MAGI2: variants seen among roughly 807,000 people sequenced by gnomAD.
The protein encoded by MAGI2 is membrane-associated guanylate kinase, WW and PDZ domain-containing protein 2.
Under a neutral mutation model 133.3 loss-of-function variants are expected in MAGI2, and 35 were observed. The ratio of observed to expected loss-of-function variants is 0.26; its 90% CI spans 0.20 to 0.35. The LOEUF (loss-of-function observed/expected upper bound fraction) is 0.35. MAGI2 is among the 10% of genes least tolerant of loss of function. MAGI2 has a pLI of 1.00. For synonymous variants in MAGI2, 729 were observed against 710.6 expected (o/e 1.03, Z -0.41); for missense variants, 1,636 against 1,863.4 (o/e 0.88, Z 2.25).
intron 1 of MAGI2, among the ~76,000 whole-genome samples, chr7:79,229,147 A>G (rs1357081845): frequency 6.6e-6 from 1 of 151,932 alleles, no homozygotes; most frequent in East Asian, 1.9e-4. Context: ...ACAGGAAAAA[A>G]AAAAACAACA....
chr7:79,401,742 A>G (rs1845485218), intron 1 of MAGI2, among the ~76,000 whole-genome samples: 1 of 152,146 alleles, frequency 6.6e-6, no homozygotes, highest in South Asian at 2.1e-4. Flanking sequence ...TTAAAATGAC[A>G]CCTATATAGA....
intron 20 of MAGI2, among the ~76,000 whole-genome samples, chr7:78,123,109 G>A (rs1026189738): frequency 1.3e-5 from 2 of 152,274 alleles, no homozygotes; most frequent in South Asian, 4.2e-4. Flanking sequence ...AAAGCAAGCA[G>A]ACGTGACAAT....
In MAGI2 at chr7:78,544,009, C is replaced by T. The variant is rs1414521087; in HGVS notation, c.539-22364G>A. On this transcript the variant is annotated intron_variant, in intron 3 of 21. Coordinates refer to ENST00000354212, the MANE Select transcript of MAGI2 (RefSeq NM_012301.4). ...TTCATGCCATAAACAACCAATAACC[C>T]AAGTGTGACTATGAGTTTCAGGAAA... Among the ~76,000 whole-genome samples the T allele has an allele frequency of 2.6e-5, 4 of 152,128 alleles. No homozygotes were observed. In the South Asian group the frequency reaches 8.3e-4, roughly 31 times the overall value.
chr7:79,313,862 G>T (rs1466642746), intron 1 of MAGI2, among the ~76,000 whole-genome samples: 2 of 149,764 alleles, frequency 1.3e-5, no homozygotes, highest in East Asian at 2.0e-4. Flanking sequence ...GAATGCAGTG[G>T]CCCTATCTCA....
At chr7:79,405,942 TG>T (rs1845777472) in intron 1 of MAGI2, among the ~76,000 whole-genome samples, 1 of 128,078 alleles carries the variant, frequency 7.8e-6, no homozygotes, top group African/African-American at 3.0e-5. Context: ...AAAAAAAAAA[TG>T]GAGCCCTTTG....
chr7:78,700,716 C>CA (rs1329393997), intron 2 of MAGI2, among the ~76,000 whole-genome samples: 1 of 151,710 alleles, frequency 6.6e-6, no homozygotes, highest in Non-Finnish European at 1.5e-5. Flanking sequence ...ATGGAATAAA[C>CA]AAAAAACATG....
chr7:78,067,567 G>A (rs1314284952), intron 21 of MAGI2, among the ~76,000 whole-genome samples: 1 of 152,220 alleles, frequency 6.6e-6, no homozygotes, highest in Admixed American at 6.5e-5. Flanking sequence ...GAAAGCAAAT[G>A]TCTGAGCCAC....
chr7:79,089,333 T>G (rs1009058592), intron 1 of MAGI2, among the ~76,000 whole-genome samples: 7 of 152,084 alleles, frequency 4.6e-5, no homozygotes, highest in Admixed American at 4.6e-4. Context: ...GAGAGAAATA[T>G]GAACGTTTTT....
At chr7:79,077,591 A>G (rs201416011) in intron 1 of MAGI2, among the ~76,000 whole-genome samples, 1 of 135,770 alleles carries the variant, frequency 7.4e-6, no homozygotes, top group East Asian at 2.1e-4. Flanking sequence ...AAAAAAAAAA[A>G]AAAATAAATA....
chr7:78,787,013 G>T (rs565591026), intron 2 of MAGI2, among the ~76,000 whole-genome samples: 1 of 151,604 alleles, frequency 6.6e-6, no homozygotes, highest in East Asian at 1.9e-4. Flanking sequence ...GTAGTGGCGC[G>T]ATCTCGGCTC....
intron 2 of MAGI2, among the ~76,000 whole-genome samples, chr7:78,988,729 T>G (rs1482540409): frequency 1.3e-5 from 2 of 152,090 alleles, no homozygotes; most frequent in Non-Finnish European, 2.9e-5. Context: ...ATAATTACAA[T>G]GAACTGACCA....
chr7:78,911,335 G>A (rs1443105462), intron 2 of MAGI2, among the ~76,000 whole-genome samples: 2 of 152,048 alleles, frequency 1.3e-5, no homozygotes, highest in Non-Finnish European at 2.9e-5. Context: ...TGTATATGTT[G>A]AAATTCTAAC....
chr7:78,970,120 G>A (rs1562732300), intron 2 of MAGI2, among the ~76,000 whole-genome samples: 1 of 151,860 alleles, frequency 6.6e-6, no homozygotes, highest in Admixed American at 6.6e-5. Flanking sequence ...ATTATCCTAT[G>A]TTACCTGGCA....
intron 1 of MAGI2, among the ~76,000 whole-genome samples, chr7:79,245,667 T>C (rs1832767245): frequency 6.6e-6 from 1 of 152,166 alleles, no homozygotes; most frequent in African/African-American, 2.4e-5. Flanking sequence ...CCTTAACTCC[T>C]AGATGGCATC....
At chr7:79,431,551 T>A (rs913710831) in intron 1 of MAGI2, among the ~76,000 whole-genome samples, 3 of 152,204 alleles carry the variant, frequency 2.0e-5, no homozygotes, top group African/African-American at 7.2e-5. Context: ...TGGTTGTCAA[T>A]GGTGTACATG....
intron 1 of MAGI2, among the ~76,000 whole-genome samples, chr7:79,098,864 C>T (rs1244291948): frequency 1.3e-5 from 2 of 152,132 alleles, no homozygotes; most frequent in African/African-American, 4.8e-5. Flanking sequence ...TATTGTTCTC[C>T]CACAGTTATG....
chr7:79,123,876 T>C (rs948191626), intron 1 of MAGI2, among the ~76,000 whole-genome samples: 4 of 152,002 alleles, frequency 2.6e-5, no homozygotes, highest in Non-Finnish European at 5.9e-5. Flanking sequence ...GCAGTCACTA[T>C]TTTACTCGTT....
intron 1 of MAGI2, among the ~76,000 whole-genome samples, chr7:79,126,655 C>A (rs1157713501): frequency 6.6e-6 from 1 of 151,886 alleles, no homozygotes; most frequent in Non-Finnish European, 1.5e-5. Flanking sequence ...TTCATAGGTG[C>A]CTGAAAGAGT....
chr7:79,239,831 T>C (rs1410839053), intron 1 of MAGI2, among the ~76,000 whole-genome samples: 1 of 152,224 alleles, frequency 6.6e-6, no homozygotes, highest in African/African-American at 2.4e-5. Context: ...AAATCAGGGA[T>C]TGCTACTTCC....
Sources: allele counts gnomAD v4.1 joint callset (sites outside exome capture counted in the v4.1 genomes callset), GRCh38; gene constraint gnomAD v4.1.1; transcripts MANE v1.5; gene names NCBI Gene and HGNC (gene_info 2026-07-23, HGNC 2026-07-21).